Variants in TSPAN18 observed in about 807,000 individuals in gnomAD.
The protein encoded by TSPAN18 is tetraspanin-18.
TSPAN18 carries 14 observed loss-of-function variants against 27.3 expected under a neutral mutation model. The ratio of observed to expected loss-of-function variants is 0.51; its 90% CI spans 0.34 to 0.80. The LOEUF (loss-of-function observed/expected upper bound fraction) is 0.80, where lower values mean the gene tolerates loss of function less well. TSPAN18 is among the 30% of genes least tolerant of loss of function. The probability of loss-of-function intolerance (pLI) is 0.01; values close to 1 mark genes in which losing one functional copy is unlikely to be tolerated. For missense variants in TSPAN18, 268 were observed against 323.9 expected (o/e 0.83, Z 1.32); for synonymous variants, 143 against 136.5 (o/e 1.05, Z -0.33).
chr11:44,836,934 C>T (rs1444493490), intron 2 of TSPAN18, among the ~76,000 whole-genome samples: 3 of 152,230 alleles, frequency 2.0e-5, no homozygotes, highest in South Asian at 2.1e-4. Flanking sequence ...AATATGACTA[C>T]TCATTGACAG....
chr11:44,759,779 C>T (rs1331104975), intron 1 of TSPAN18, among the ~76,000 whole-genome samples: 3 of 152,210 alleles, frequency 2.0e-5, no homozygotes, highest in Non-Finnish European at 4.4e-5. Context: ...GAGTAAGATA[C>T]CACCCATATC....
intron 1 of TSPAN18, among the ~76,000 whole-genome samples, chr11:44,756,215 A>G (rs1855328627): frequency 6.7e-6 from 1 of 149,652 alleles, no homozygotes. Context: ...GTTAATATAT[A>G]AATTATTGTG....
chr11:44,776,437 T>C (rs1855810132), intron 2 of TSPAN18, among the ~76,000 whole-genome samples: 1 of 152,040 alleles, frequency 6.6e-6, no homozygotes. Context: ...TTGGGCACGA[T>C]AACCTTTCCC....
chr11:44,753,725 T>C (rs911743564), intron 1 of TSPAN18, among the ~76,000 whole-genome samples: 1 of 152,136 alleles, frequency 6.6e-6, no homozygotes, highest in African/African-American at 2.4e-5. Flanking sequence ...TGAATACACA[T>C]GGATTTTAAG....
chr11:44,787,215 T>A (rs930289216), intron 2 of TSPAN18, among the ~76,000 whole-genome samples: 1 of 152,248 alleles, frequency 6.6e-6, no homozygotes, highest in African/African-American at 2.4e-5. Context: ...ATTACTTCCA[T>A]CAACTCACTT....
chr11:44,750,687 G>A (rs1855189857), intron 1 of TSPAN18, among the ~76,000 whole-genome samples: 1 of 151,776 alleles, frequency 6.6e-6, no homozygotes, highest in Non-Finnish European at 1.5e-5. Context: ...CCAGCTACAT[G>A]AAGAGCTTTA....
At chr11:44,789,103 C>T (rs938258405) in intron 2 of TSPAN18, among the ~76,000 whole-genome samples, 2 of 152,188 alleles carry the variant, frequency 1.3e-5, no homozygotes, top group African/African-American at 4.8e-5. Flanking sequence ...CAATAACACC[C>T]TCGTGTCAGT....
chr11:44,820,949 G>A (rs558889745), intron 2 of TSPAN18, among the ~76,000 whole-genome samples: 41 of 152,310 alleles, frequency 2.7e-4, no homozygotes, highest in African/African-American at 8.9e-4. Context: ...GCCAGATGCT[G>A]TGCCATGCTT....
At chr11:44,870,152 A>G (rs1338259147) in intron 3 of TSPAN18, among the ~76,000 whole-genome samples, 1 of 152,216 alleles carries the variant, frequency 6.6e-6, no homozygotes, top group African/African-American at 2.4e-5. Flanking sequence ...AATAGTCTGT[A>G]GTAAATTTAC....
chr11:44,760,268 G>C (rs892384603), intron 1 of TSPAN18, among the ~76,000 whole-genome samples: 2 of 152,210 alleles, frequency 1.3e-5, no homozygotes, highest in Non-Finnish European at 2.9e-5. Context: ...GCAGAGCGGG[G>C]AACAAAGGCT....
At chr11:44,896,631 T>G (rs1231376134) in intron 3 of TSPAN18, among the ~76,000 whole-genome samples, 1 of 152,092 alleles carries the variant, frequency 6.6e-6, no homozygotes, top group Non-Finnish European at 1.5e-5. Flanking sequence ...TCTTCCCATC[T>G]CTACCTCTGC....
intron 2 of TSPAN18, among the ~76,000 whole-genome samples, chr11:44,841,598 T>TA (rs1327058972): frequency 6.6e-6 from 1 of 152,134 alleles, no homozygotes; most frequent in Non-Finnish European, 1.5e-5. Context: ...CTGCCTTACT[T>TA]ACAGTAGTCA....
At chr11:44,835,058 G>A (rs1016352335) in intron 2 of TSPAN18, among the ~76,000 whole-genome samples, 14 of 152,196 alleles carry the variant, frequency 9.2e-5, no homozygotes, top group African/African-American at 2.2e-4. Context: ...GTGGGGGAGG[G>A]ATGGAATCTT....
At chr11:44,742,307 C>G (rs1223367839) in intron 1 of TSPAN18, among the ~76,000 whole-genome samples, 1 of 135,074 alleles carries the variant, frequency 7.4e-6, no homozygotes, top group Admixed American at 8.5e-5. Flanking sequence ...CTCCCTCCCT[C>G]CCTTTTTTCC....
chr11:44,741,879 C>T (rs1357933278), intron 1 of TSPAN18, among the ~76,000 whole-genome samples: 2 of 152,212 alleles, frequency 1.3e-5, no homozygotes, highest in Non-Finnish European at 2.9e-5. Flanking sequence ...CCCTCCCCTC[C>T]CCTCTGCACC....
At chr11:44,910,112 G>T (rs1178377268) in intron 5 of TSPAN18, among the ~76,000 whole-genome samples, 1 of 152,210 alleles carries the variant, frequency 6.6e-6, no homozygotes, top group Non-Finnish European at 1.5e-5. Flanking sequence ...TCAGCAACTT[G>T]CCCAGAGTCC....
intron 2 of TSPAN18, among the ~76,000 whole-genome samples, chr11:44,834,904 A>C (rs1857232893): frequency 6.6e-6 from 1 of 152,198 alleles, no homozygotes; most frequent in Non-Finnish European, 1.5e-5. Context: ...AAGGGGAGGA[A>C]AGCAAGGGGG....
intron 3 of TSPAN18, among the ~76,000 whole-genome samples, chr11:44,883,013 C>G (rs1367687772): frequency 6.6e-6 from 1 of 152,172 alleles, no homozygotes; most frequent in Non-Finnish European, 1.5e-5. Flanking sequence ...TTTAGCAGGG[C>G]AGCATGAGTG....
rs547626545 is a variant in TSPAN18, at chr11:44,776,997, C to T, written c.-153+12485C>T. 3.9e-5 allele frequency among the ~76,000 whole-genome samples: 6 copies of T among 152,330 alleles called. No homozygotes were observed. The South Asian group carries it at 1.2e-3, about 32-fold the overall frequency. Reference sequence around the variant, plus strand: ...CCCTCTCACAAGCTGGCTTCCTGCACTGTCTGGCACTTTACCCCTCTCTGG... The same window carrying T: ...CCCTCTCACAAGCTGGCTTCCTGCATTGTCTGGCACTTTACCCCTCTCTGG... On this transcript the variant is annotated intron_variant, in intron 2 of 9. Transcript: ENST00000520358.
Sources: allele counts gnomAD v4.1 joint callset (sites outside exome capture counted in the v4.1 genomes callset), GRCh38; gene constraint gnomAD v4.1.1; transcripts MANE v1.5; gene names NCBI Gene and HGNC (gene_info 2026-07-23, HGNC 2026-07-21).